Variants in ZNF385D observed in about 807,000 individuals in gnomAD.
ZNF385D encodes zinc finger protein 659.
A neutral mutation model predicts 35.8 loss-of-function variants in ZNF385D; 15 were observed. That is an observed-to-expected ratio of 0.42 (90% CI 0.28 to 0.64). The LOEUF is 0.64. ZNF385D is among the 30% of genes least tolerant of loss of function. The pLI is 0.23. For missense variants in ZNF385D, 474 were observed against 494.6 expected, an observed-to-expected ratio of 0.96 and a Z score of 0.39; for synonymous variants, 212 against 186.8, an observed-to-expected ratio of 1.13 and a Z score of -1.10.
chr3:22,365,043 A>G (rs151087076), intron 2 of ZNF385D, among the ~76,000 whole-genome samples: 34 of 152,176 alleles, frequency 2.2e-4, no homozygotes, highest in Non-Finnish European at 4.4e-4. Context: ...AGTAATCAAA[A>G]TCAATCATAG....
At chr3:21,880,250 G>A (rs1320953064) in intron 3 of ZNF385D, among the ~76,000 whole-genome samples, 1 of 151,906 alleles carries the variant, frequency 6.6e-6, no homozygotes. Flanking sequence ...TCATTTTATT[G>A]CACTTTGCTT....
intron 3 of ZNF385D, among the ~76,000 whole-genome samples, chr3:21,999,665 C>G (rs570034033): frequency 6.6e-6 from 1 of 151,664 alleles, no homozygotes; most frequent in Non-Finnish European, 1.5e-5. Flanking sequence ...GAGATTTATA[C>G]TAGTAAGACT....
At chr3:22,248,973 C>G (rs1699929814) in intron 2 of ZNF385D, among the ~76,000 whole-genome samples, 2 of 152,104 alleles carry the variant, frequency 1.3e-5, no homozygotes, top group Non-Finnish European at 2.9e-5. Context: ...GGAGAGGTCA[C>G]CTGTAAGTAT....
chr3:21,492,257 A>C (rs115323020), intron 4 of ZNF385D, among the ~76,000 whole-genome samples: 2 of 152,048 alleles, frequency 1.3e-5, no homozygotes, highest in Non-Finnish European at 2.9e-5. Flanking sequence ...ATTCTTAAAA[A>C]CCAATAGCTT....
chr3:21,783,061 G>T (rs1365666688), intron 3 of ZNF385D, among the ~76,000 whole-genome samples: 1 of 152,072 alleles, frequency 6.6e-6, no homozygotes, highest in Non-Finnish European at 1.5e-5. Context: ...TTCACGATTG[G>T]TAACTGATCA....
At chr3:21,785,082 C>G (rs549383918) in intron 3 of ZNF385D, among the ~76,000 whole-genome samples, 1 of 152,108 alleles carries the variant, frequency 6.6e-6, no homozygotes, top group East Asian at 1.9e-4. Flanking sequence ...GGCGTCACCC[C>G]TGGTTCCCTG....
chr3:21,760,384 T>TG (rs1471514292), intron 3 of ZNF385D, among the ~76,000 whole-genome samples: 1 of 152,194 alleles, frequency 6.6e-6, no homozygotes, highest in African/African-American at 2.4e-5. Context: ...TATGATCAAC[T>TG]GGATTTCTCT....
At chr3:21,671,063 C>T (rs9839129) in intron 1 of ZNF385D, among the ~76,000 whole-genome samples, 109,446 of 151,904 alleles carry the variant, frequency 0.72, 39,728 homozygotes, top group Admixed American at 0.77. Flanking sequence ...ACAGGTCCCA[C>T]GGAGAGGCAT....
chr3:22,075,725 C>A (rs899228324), intron 3 of ZNF385D, among the ~76,000 whole-genome samples: 42 of 151,906 alleles, frequency 2.8e-4, no homozygotes, highest in African/African-American at 9.4e-4. Context: ...ATATTATCTA[C>A]AAAAACCCTC....
intron 2 of ZNF385D, 35 bp downstream of exon 2, chr3:21,664,851 C>A (rs1391137518): frequency 6.2e-7 from 1 of 1,612,952 alleles, no homozygotes; most frequent in East Asian, 2.2e-5. Flanking sequence ...CCAATACCTT[C>A]CACTCAGGCA....
chr3:21,920,621 C>CAAA (rs1700409477), intron 3 of ZNF385D, among the ~76,000 whole-genome samples: 1 of 29,328 alleles, frequency 3.4e-5, no homozygotes, highest in Non-Finnish European at 8.8e-5. Context: ...TGATACAATG[C>CAAA]CAAAAAAAAA....
intron 3 of ZNF385D, among the ~76,000 whole-genome samples, chr3:22,041,169 T>C (rs1365974760): frequency 1.4e-5 from 2 of 140,040 alleles, no homozygotes; most frequent in African/African-American, 4.9e-5. Context: ...AGGGTTGATA[T>C]TTTACCCCTC....
intron 3 of ZNF385D, among the ~76,000 whole-genome samples, chr3:21,863,208 T>C (rs1360955100): frequency 6.6e-6 from 1 of 152,152 alleles, no homozygotes; most frequent in African/African-American, 2.4e-5. Context: ...TAAAAAGAGC[T>C]AAAACAATAT....
intron 3 of ZNF385D, among the ~76,000 whole-genome samples, chr3:21,865,305 C>G (rs577578452): frequency 2.0e-5 from 3 of 152,002 alleles, no homozygotes; most frequent in Admixed American, 6.6e-5. Flanking sequence ...TCATTTCATG[C>G]TAGTTTTGTT....
At position 21,435,665 on chromosome 3, in the gene ZNF385D, T is replaced by G. The variant is rs184502510; in HGVS notation, c.673+1305A>C. Among the ~76,000 whole-genome samples, 11 of 152,314 alleles carry G rather than the reference T, an allele frequency of 7.2e-5. No homozygotes were observed. The East Asian group carries it at 1.9e-3, about 27-fold the overall frequency. ...TGTGTTTCTCAGTCACTATGCGGAA[T>G]GACCAAGGATTCTTGGGAAATAAAT... On this transcript the variant is annotated intron_variant, in intron 5 of 7. Coordinates refer to ENST00000281523, the MANE Select transcript of ZNF385D (RefSeq NM_024697.3).
At chr3:21,981,673 T>G (rs1694460662) in intron 3 of ZNF385D, among the ~76,000 whole-genome samples, 1 of 152,196 alleles carries the variant, frequency 6.6e-6, no homozygotes, top group Admixed American at 6.5e-5. Flanking sequence ...CTAGATTGTC[T>G]TCTAGGGTTT....
chr3:22,259,170 CAG>C (rs1388500310), intron 2 of ZNF385D, among the ~76,000 whole-genome samples: 1 of 151,770 alleles, frequency 6.6e-6, no homozygotes, highest in African/African-American at 2.4e-5. Flanking sequence ...TACTGGTTTA[CAG>C]AGTTATACTG....
chr3:21,536,898 G>A (rs886863006), intron 3 of ZNF385D, among the ~76,000 whole-genome samples: 1 of 151,864 alleles, frequency 6.6e-6, no homozygotes, highest in Non-Finnish European at 1.5e-5. Context: ...TCCAGACAGA[G>A]AGAAGAGTCA....
intron 2 of ZNF385D, among the ~76,000 whole-genome samples, chr3:22,338,697 C>CTTTTTT (rs1559528462): frequency 7.6e-6 from 1 of 131,530 alleles, no homozygotes; most frequent in African/African-American, 3.5e-5. Context: ...ATATTCATCT[C>CTTTTTT]ATTTTTTTTT....
Sources: allele counts gnomAD v4.1 joint callset (sites outside exome capture counted in the v4.1 genomes callset), GRCh38; gene constraint gnomAD v4.1.1; transcripts MANE v1.5; gene names NCBI Gene and HGNC (gene_info 2026-07-23, HGNC 2026-07-21).